Variants in NPFFR1 observed in about 807,000 individuals in gnomAD.
NPFFR1 encodes G-protein coupled receptor 147.
NPFFR1 carries 17 observed loss-of-function variants against 12.7 expected under a neutral mutation model. The observed-to-expected ratio is 1.34, with a 90% confidence interval of 0.92 to 2.01. The LOEUF (loss-of-function observed/expected upper bound fraction) is 2.01. Ranked by LOEUF, NPFFR1 falls within the 30% of genes most tolerant of loss-of-function variation. The pLI is 0.00. For synonymous variants in NPFFR1, 296 were observed against 264.5 expected (o/e 1.12, Z -1.16); for missense variants, 604 against 606.5 (o/e 1.00, Z 0.04).
At chr10:70,269,505 C>G (rs193285379) in intron 1 of NPFFR1, among the ~76,000 whole-genome samples, 1 of 148,050 alleles carries the variant, frequency 6.8e-6, no homozygotes, top group Non-Finnish European at 1.5e-5. Flanking sequence ...TGCCTAGACT[C>G]CCCACTGCAT....
rs750655303 is a variant in NPFFR1 at position 70,251,377 on chromosome 10, C to T, written c.*3580G>A. The T allele has an allele frequency of 2.6e-5, 4 of 152,494 alleles. No individual in the cohort carries two copies. Among genetic ancestry groups the T allele is most frequent in the African/African-American group, 4.8e-5 (2 of 41,486 alleles). The allele number at this position is 152,494 out of a possible 1,614,324, so 9.4% of individuals were successfully genotyped here. ...ATCAGCTCATGAGTCCTCCAGGCCC[C>T]AAGAGAGACTCCTCAGCACAGGGCT... On this transcript the variant is annotated 3_prime_UTR_variant, in exon 4 of 4. Coordinates refer to ENST00000277942, the MANE Select transcript of NPFFR1 (RefSeq NM_022146.5).
intron 2 of NPFFR1, among the ~76,000 whole-genome samples, chr10:70,265,109 C>A (rs905992201): frequency 1.3e-5 from 2 of 152,190 alleles, no homozygotes; most frequent in African/African-American, 4.8e-5. Context: ...AGAGCTGGTA[C>A]TGTGGAGGGG....
chr10:70,259,212 G>C (rs1035814903), intron 3 of NPFFR1, among the ~76,000 whole-genome samples: 8 of 151,918 alleles, frequency 5.3e-5, no homozygotes, highest in African/African-American at 1.9e-4. Flanking sequence ...CTTGAACCCG[G>C]GAGGCAGAGG....
chr10:70,281,405 A>G (rs1840860841), intron 1 of NPFFR1, among the ~76,000 whole-genome samples: 1 of 152,022 alleles, frequency 6.6e-6, no homozygotes, highest in Non-Finnish European at 1.5e-5. Flanking sequence ...TCATTAAGGC[A>G]CCCATTTCTT....
intron 1 of NPFFR1, among the ~76,000 whole-genome samples, chr10:70,282,780 G>A (rs926176755): frequency 6.6e-6 from 1 of 152,088 alleles, no homozygotes; most frequent in Non-Finnish European, 1.5e-5. Flanking sequence ...ACGAGCCCTT[G>A]GTTTTCCAGT....
At chr10:70,267,370 C>T (rs1215597782) in intron 1 of NPFFR1, among the ~76,000 whole-genome samples, 13 of 152,164 alleles carry the variant, frequency 8.5e-5, no homozygotes, top group Admixed American at 4.6e-4. Context: ...TTTAGCTCTC[C>T]GAGCCATCCC....
chr10:70,264,028 G>A (rs546901616), intron 2 of NPFFR1, among the ~76,000 whole-genome samples: 1 of 151,982 alleles, frequency 6.6e-6, no homozygotes, highest in African/African-American at 2.4e-5. Context: ...TGAGACTGCA[G>A]TAAGCCATGA....
rs547976705 is a variant in NPFFR1 at position 70,253,900 on chromosome 10, G to C, written c.*1057C>G. 4 of 152,166 alleles carry C rather than the reference G, an allele frequency of 2.6e-5. No homozygotes were observed. Among genetic ancestry groups the C allele is most frequent in the African/African-American group, 4.8e-5 (2 of 41,430 alleles). 9.4% of individuals were successfully genotyped at this position (152,166 alleles called of 1,614,324 possible). ...ACAGGGCTCTCCTGGTACCTCCTTAGAGTACACAAGTCATTTGTGCTGGGG... is the reference window on the plus strand; with the variant it reads ...ACAGGGCTCTCCTGGTACCTCCTTACAGTACACAAGTCATTTGTGCTGGGG... On this transcript the variant is annotated 3_prime_UTR_variant, in exon 4 of 4. Coordinates refer to ENST00000277942, the MANE Select transcript of NPFFR1 (RefSeq NM_022146.5).
At position 70,254,961 on chromosome 10, in the gene NPFFR1, A is replaced by C; in HGVS notation, c.1289T>G (p.Ile430Ser). The C allele has an allele frequency of 7.0e-7, 1 of 1,428,478 alleles. No homozygotes were observed. Among genetic ancestry groups the C allele is most frequent in the Non-Finnish European group, 9.1e-7 (1 of 1,097,714 alleles). 88.5% of individuals were successfully genotyped at this position (1,428,478 alleles called of 1,614,324 possible). A position where few individuals can be genotyped will look rare whatever the true frequency, so the allele number is the denominator to read the frequency against. Residue 430 changes from isoleucine to serine, a missense_variant, in exon 4 of 4, where the codon ATC (isoleucine) becomes AGC (serine). Physicochemically the swap from Ile to Ser is moderately radical, Grantham distance 142. Transcript: ENST00000277942. ...HLPLTIPAWD[I>S] ...TCCCGCCCTCCCTGGACCCCCTCAG[A>C]TATCCCAGGCTGGAATGGTGAGGGG...
intron 1 of NPFFR1, among the ~76,000 whole-genome samples, chr10:70,279,043 G>C (rs916274430): frequency 3.3e-5 from 5 of 152,170 alleles, no homozygotes; most frequent in Non-Finnish European, 7.3e-5. Flanking sequence ...TGAATACAAG[G>C]TGGAGTAATT....
In NPFFR1 at chr10:70,255,236, G is replaced by A; in HGVS notation, c.1014C>T (p.Arg338=). The change falls in exon 4 of 4, where the codon CGC becomes CGT. Residue 338 remains arginine, a synonymous_variant. Transcript: ENST00000277942. The surrounding 1 kb of genome is among the most constrained non-coding windows in gnomAD (Gnocchi z 4.2). ...GGGCGCGGAAGGCGGCCTGGAAGCC[G>A]CGGCGGAAGTTCTCGTTGAAGTAGC... is the stretch of plus-strand genomic sequence containing the variant. ...IYGYFNENFR[R]GFQAAFRARL... is the part of the protein sequence containing the mutation. 1.3e-6 allele frequency: 2 copies of A among 1,556,316 alleles called. No homozygotes were observed. Among genetic ancestry groups the A allele is most frequent in the Non-Finnish European group, 1.7e-6 (2 of 1,155,714 alleles).
chr10:70,281,375 T>G (rs1407228409), intron 1 of NPFFR1, among the ~76,000 whole-genome samples: 1 of 152,156 alleles, frequency 6.6e-6, no homozygotes, highest in Admixed American at 6.5e-5. Flanking sequence ...ACCCCCCAGT[T>G]GCCCACAGCT....
intron 1 of NPFFR1, among the ~76,000 whole-genome samples, chr10:70,268,799 G>A (rs1840722641): frequency 6.6e-6 from 1 of 152,220 alleles, no homozygotes; most frequent in Admixed American, 6.5e-5. Context: ...ATTGGCCCAA[G>A]TAAGTCACAA....
chr10:70,279,250 G>A (rs1004720082), intron 1 of NPFFR1, among the ~76,000 whole-genome samples: 1 of 151,922 alleles, frequency 6.6e-6, no homozygotes, highest in Non-Finnish European at 1.5e-5. Flanking sequence ...AGGTTCAAAC[G>A]ATTCTTATGT....
In NPFFR1 at chr10:70,283,460, C is replaced by T. The variant is rs968814094; in HGVS notation, c.7+210G>A. On this transcript the variant is annotated intron_variant, in intron 1 of 3. Transcript: ENST00000277942. The stretch of plus-strand genomic sequence containing the variant: ...TCTGTTTTTCTGTCTCACATACACA[C>T]GCACACACACACACACCATGAACAC... Among the ~76,000 whole-genome samples, 6 of 152,116 alleles carry T rather than the reference C, an allele frequency of 3.9e-5. No individual in the cohort carries two copies. The highest frequency in any genetic ancestry group is 5.9e-5 in the Non-Finnish European group (4 of 68,006).
rs1840521766 is a variant in NPFFR1 at position 70,252,608 on chromosome 10, T to C, written c.*2349A>G. 1 of 152,240 alleles carries C rather than the reference T, an allele frequency of 6.6e-6. No individual in the cohort carries two copies. The highest frequency in any genetic ancestry group is 2.4e-5 in the African/African-American group (1 of 41,460). 9.4% of individuals were successfully genotyped at this position (152,240 alleles called of 1,614,324 possible). A position where few individuals can be genotyped will look rare whatever the true frequency, so the allele number is the denominator to read the frequency against. On this transcript the variant is annotated 3_prime_UTR_variant, in exon 4 of 4. Transcript: ENST00000277942. ...AATGTCTCACTGCTTCATTAAAGCA[T>C]TGTCATGCCTGTTATCACTCAGATC...
intron 1 of NPFFR1, among the ~76,000 whole-genome samples, chr10:70,276,815 G>A (rs1337273485): frequency 6.6e-6 from 1 of 152,106 alleles, no homozygotes; most frequent in Non-Finnish European, 1.5e-5. Context: ...TCAAACTCCT[G>A]ACCTCAAGTG....
At chr10:70,262,027 A>T (rs563690012) in intron 2 of NPFFR1, among the ~76,000 whole-genome samples, 1 of 152,376 alleles carries the variant, frequency 6.6e-6, no homozygotes, top group South Asian at 2.1e-4. Flanking sequence ...TTCTCATTGT[A>T]CCAAAGAAAT....
intron 1 of NPFFR1, among the ~76,000 whole-genome samples, chr10:70,270,233 T>C (rs995411313): frequency 1.3e-5 from 2 of 152,112 alleles, no homozygotes; most frequent in Non-Finnish European, 2.9e-5. Context: ...GAAAGGAAGG[T>C]GGATCCTTAT....
Sources: allele counts gnomAD v4.1 joint callset (sites outside exome capture counted in the v4.1 genomes callset), GRCh38; gene constraint gnomAD v4.1.1; non-coding constraint Gnocchi (gnomAD v3.1); transcripts MANE v1.5; gene names NCBI Gene and HGNC (gene_info 2026-07-23, HGNC 2026-07-21).